Variants in C1orf146 observed in about 807,000 individuals in gnomAD.
The protein encoded by C1orf146 is chromosome 1 open reading frame 146.
C1orf146 carries 22 observed loss-of-function variants against 23.0 expected under a neutral mutation model. The ratio of observed to expected loss-of-function variants is 0.96; its 90% CI spans 0.68 to 1.36. The LOEUF (loss-of-function observed/expected upper bound fraction) is 1.36. Among genes scored for constraint, C1orf146 ranks in the 40% most tolerant of loss-of-function variants. C1orf146 has a pLI of 0.00. For missense variants in C1orf146, 199 were observed against 206.8 expected (o/e 0.96, Z 0.23); for synonymous variants, 59 against 65.3 (o/e 0.90, Z 0.47).
chr1:92,237,379 C>G (rs1652310061), intron 2 of C1orf146, among the ~76,000 whole-genome samples: 1 of 152,164 alleles, frequency 6.6e-6, no homozygotes, highest in African/African-American at 2.4e-5. Flanking sequence ...CACTCCAGAC[C>G]CTGTTTGCCT....
intron 1 of C1orf146, among the ~76,000 whole-genome samples, chr1:92,225,421 A>G (rs1387426724): frequency 1.3e-5 from 2 of 152,156 alleles, no homozygotes; most frequent in African/African-American, 4.8e-5. Flanking sequence ...TTAGTCTTTT[A>G]AAGCTATGTG....
intron 1 of C1orf146, among the ~76,000 whole-genome samples, chr1:92,221,181 C>A (rs949255784): frequency 6.6e-6 from 1 of 152,156 alleles, no homozygotes; most frequent in African/African-American, 2.4e-5. Flanking sequence ...TCCTTTACAG[C>A]AACACGGATG....
chr1:92,225,654 T>C (rs1473083203), intron 1 of C1orf146, among the ~76,000 whole-genome samples: 5 of 152,168 alleles, frequency 3.3e-5, no homozygotes, highest in African/African-American at 1.2e-4. Flanking sequence ...ATGACTTTTG[T>C]TTCATGTATT....
At chr1:92,242,362 C>T in intron 3 of C1orf146, 57 bp downstream of exon 3, 1 of 925,760 alleles carries the variant, frequency 1.1e-6, no homozygotes, top group Admixed American at 2.2e-5. Flanking sequence ...GGTATAAATT[C>T]TAATGACTTC....
At chr1:92,233,805 C>T (rs1477716185) in intron 2 of C1orf146, among the ~76,000 whole-genome samples, 4 of 152,138 alleles carry the variant, frequency 2.6e-5, no homozygotes, top group Admixed American at 2.6e-4. Flanking sequence ...GTTTGTAGTT[C>T]TCCTTGAAGA....
chr1:92,229,021 A>G (rs536802615), intron 1 of C1orf146: 2 of 477,198 alleles, frequency 4.2e-6, no homozygotes, highest in East Asian at 1.0e-4. Flanking sequence ...ATTTAGAAGC[A>G]TTTGTGGTGA....
At chr1:92,224,396 C>A (rs76661726) in intron 1 of C1orf146, among the ~76,000 whole-genome samples, 2,117 of 152,178 alleles carry the variant, frequency 0.014, 52 homozygotes, top group African/African-American at 0.047. Flanking sequence ...AATTTGTTTT[C>A]TTTTATGGAT....
intron 1 of C1orf146, among the ~76,000 whole-genome samples, chr1:92,222,668 G>A (rs572902386): frequency 4.7e-5 from 7 of 148,860 alleles, no homozygotes; most frequent in African/African-American, 1.7e-4. Flanking sequence ...CTCACTGCAA[G>A]CTCTGCCTCC....
intron 3 of C1orf146, 143 bp from the exon 4 acceptor site, chr1:92,244,072 ATT>A (rs1181664555): frequency 3.0e-5 from 17 of 566,050 alleles, no homozygotes; most frequent in Non-Finnish European, 5.3e-5. Flanking sequence ...TTGTGTAGGA[ATT>A]CCATTATAGT....
At chr1:92,243,504 A>G (rs1190217417) in intron 3 of C1orf146, among the ~76,000 whole-genome samples, 4 of 151,660 alleles carry the variant, frequency 2.6e-5, no homozygotes, top group African/African-American at 9.7e-5. Context: ...ATACCACCAC[A>G]CCCAGCTAAT....
intron 1 of C1orf146, among the ~76,000 whole-genome samples, chr1:92,222,535 G>GGT (rs1553129628): frequency 1.7e-5 from 1 of 60,582 alleles, no homozygotes; most frequent in African/African-American, 7.1e-5. Context: ...CCCTTCTTCG[G>GGT]TTTTTTTTTT....
At chr1:92,219,477 T>C (rs2100722499) in intron 1 of C1orf146, among the ~76,000 whole-genome samples, 2 of 144,304 alleles carry the variant, frequency 1.4e-5, no homozygotes, top group African/African-American at 5.0e-5. Flanking sequence ...TTACCATCAC[T>C]GAAAGTGACT....
chr1:92,224,064 ATTTT>A (rs1396782499), intron 1 of C1orf146, among the ~76,000 whole-genome samples: 2 of 102,004 alleles, frequency 2.0e-5, no homozygotes, highest in African/African-American at 4.0e-5. Context: ...TTATTTATTT[ATTTT>A]GAGACGGAGT....
chr1:92,224,090 G>A (rs184351870), intron 1 of C1orf146, among the ~76,000 whole-genome samples: 179 of 148,066 alleles, frequency 1.2e-3, no homozygotes, highest in African/African-American at 4.2e-3. Context: ...TTGCTCTGTC[G>A]CCCAGGCTGG....
intron 2 of C1orf146, among the ~76,000 whole-genome samples, chr1:92,239,873 T>C (rs549167763): frequency 1.3e-5 from 2 of 152,314 alleles, no homozygotes; most frequent in South Asian, 4.1e-4. Context: ...TAACTGAGTG[T>C]TGTGTATTTT....
chr1:92,234,340 A>G (rs1384258271), intron 2 of C1orf146, among the ~76,000 whole-genome samples: 2 of 152,218 alleles, frequency 1.3e-5, no homozygotes, highest in Non-Finnish European at 2.9e-5. Flanking sequence ...AATTTTGTCA[A>G]AGACCTTTTC....
chr1:92,230,251 G>A (rs1363732334), intron 1 of C1orf146, among the ~76,000 whole-genome samples: 1 of 151,470 alleles, frequency 6.6e-6, no homozygotes. Context: ...GTCGCTTGAA[G>A]CCAGAGTTCA....
intron 1 of C1orf146, among the ~76,000 whole-genome samples, chr1:92,222,535 G>GTTTTTT: frequency 3.3e-5 from 2 of 60,578 alleles, no homozygotes; most frequent in African/African-American, 7.1e-5. Flanking sequence ...CCCTTCTTCG[G>GTTTTTT]TTTTTTTTTT....
intron 1 of C1orf146, among the ~76,000 whole-genome samples, chr1:92,230,494 T>C (rs553145786): frequency 1.0e-3 from 153 of 151,862 alleles, no homozygotes; most frequent in Admixed American, 2.5e-3. Flanking sequence ...GGGGCGCCTG[T>C]GTTTCCAGCT....
Sources: gnomAD v4.1 joint callset for allele counts (sites outside exome capture counted in the v4.1 genomes callset) on GRCh38, gnomAD v4.1.1 for gene constraint, MANE v1.5 for transcripts, NCBI Gene and HGNC (gene_info 2026-07-23, HGNC 2026-07-21) for gene names.